The following PLAAT1 variants were observed in gnomAD, a reference collection of about 807,000 sequenced individuals.
PLAAT1 encodes the protein phospholipase A and acyltransferase 1, also known as H-REV107 protein-related protein.
A neutral mutation model predicts 16.4 loss-of-function variants in PLAAT1; 13 were observed. That is an observed-to-expected ratio of 0.79 (90% CI 0.52 to 1.26). PLAAT1 has a LOEUF of 1.26. Among genes scored for constraint, PLAAT1 ranks in the 50% most tolerant of loss-of-function variants. The probability of loss-of-function intolerance (pLI) is 0.00; values close to 1 mark genes in which losing one functional copy is unlikely to be tolerated. For synonymous variants in PLAAT1, 73 were observed against 78.4 expected (o/e 0.93, Z 0.36); for missense variants, 218 against 207.8 (o/e 1.05, Z -0.30).
intron 2 of PLAAT1, among the ~76,000 whole-genome samples, chr3:193,256,915 A>C (rs1026441742): frequency 1.3e-5 from 2 of 152,178 alleles, no homozygotes; most frequent in African/African-American, 4.8e-5. Flanking sequence ...TTAGTTATCA[A>C]ATATTCTTTA....
At chr3:193,276,358 C>T (rs1042813983) in intron 2 of PLAAT1, among the ~76,000 whole-genome samples, 47 of 152,334 alleles carry the variant, frequency 3.1e-4, no homozygotes, top group African/African-American at 9.9e-4. Context: ...ACGGCTTCTC[C>T]TCTTTCTTAT....
intron 2 of PLAAT1, among the ~76,000 whole-genome samples, 168 bp downstream of exon 2, chr3:193,255,957 T>C (rs906539263): frequency 2.0e-5 from 3 of 152,190 alleles, no homozygotes; most frequent in East Asian, 3.9e-4. Context: ...CAAAGCAGCA[T>C]TGAAGAAATC....
At chr3:193,243,382 TG>T (rs1715854246) in intron 1 of PLAAT1, among the ~76,000 whole-genome samples, 1 of 152,222 alleles carries the variant, frequency 6.6e-6, no homozygotes, top group African/African-American at 2.4e-5. Flanking sequence ...AATCTGAGCC[TG>T]GGCACCTTAG....
At chr3:193,254,702 G>A (rs1230409494) in intron 1 of PLAAT1, among the ~76,000 whole-genome samples, 3 of 152,216 alleles carry the variant, frequency 2.0e-5, no homozygotes, top group East Asian at 1.9e-4. Context: ...GTTGTCCTGC[G>A]TCTGCTGTTG....
intron 1 of PLAAT1, among the ~76,000 whole-genome samples, chr3:193,248,423 T>G (rs764855336): frequency 1.1e-4 from 16 of 152,152 alleles, no homozygotes; most frequent in Non-Finnish European, 1.9e-4. Context: ...AAGTAATTAT[T>G]GGTAGGTAAG....
intron 1 of PLAAT1, among the ~76,000 whole-genome samples, chr3:193,241,960 G>A (rs948293960): frequency 6.6e-6 from 1 of 152,136 alleles, no homozygotes; most frequent in Non-Finnish European, 1.5e-5. Flanking sequence ...CATTTGCTCC[G>A]CAGTTACTTG....
downstream of PLAAT1, among the ~76,000 whole-genome samples, chr3:193,271,307 T>C (rs193266324): frequency 2.6e-5 from 4 of 152,336 alleles, no homozygotes; most frequent in African/African-American, 9.6e-5. Flanking sequence ...ATCTACTTGC[T>C]TGTCAGGAGG....
At chr3:193,241,162 G>C, upstream of PLAAT1, 1 of 1,193,358 alleles carries the variant, frequency 8.4e-7, no homozygotes, top group South Asian at 4.3e-5. Flanking sequence ...TCGGGGCCAA[G>C]CGAGGTCTAG....
chr3:193,262,972 G>T lies in PLAAT1; in HGVS notation c.142G>T (p.Gly48Cys). 1 of 1,614,084 alleles carries T rather than the reference G, an allele frequency of 6.2e-7. No individual in the cohort carries two copies. Among genetic ancestry groups the T allele is most frequent in the Non-Finnish European group, 8.5e-7 (1 of 1,179,964 alleles). The change falls in exon 3 of 4, where the codon GGC becomes TGC. Residue 48 changes from glycine (G) to cysteine (C), a missense_variant and splice_region_variant. Coordinates refer to ENST00000264735, the MANE Select transcript of PLAAT1 (RefSeq NM_020386.5). ...GYVINIAPVD[G>C]IPASFTSAKS... is the part of the protein sequence containing the mutation. ...CTAACCAGAATTCTACTTTATAGAT[G>T]GCATTCCTGCGTCCTTTACAAGCGC...
chr3:193,272,060 G>A (rs1382271038), downstream of PLAAT1, among the ~76,000 whole-genome samples: 1 of 152,028 alleles, frequency 6.6e-6, no homozygotes, highest in Non-Finnish European at 1.5e-5. Flanking sequence ...TCTCCTACCA[G>A]GAACTAATGA....
At chr3:193,249,299 TCC>T (rs1198508054) in intron 1 of PLAAT1, among the ~76,000 whole-genome samples, 6 of 152,054 alleles carry the variant, frequency 3.9e-5, no homozygotes, top group Non-Finnish European at 8.8e-5. Context: ...CTTGGATTCA[TCC>T]TGTTAGATGT....
At chr3:193,248,631 A>G (rs1252133867) in intron 1 of PLAAT1, among the ~76,000 whole-genome samples, 2 of 152,090 alleles carry the variant, frequency 1.3e-5, no homozygotes, top group African/African-American at 4.8e-5. Context: ...AACGTCTTAT[A>G]CTAATGACAA....
intron 1 of PLAAT1, among the ~76,000 whole-genome samples, chr3:193,245,825 T>G (rs1715962845): frequency 6.6e-6 from 1 of 152,228 alleles, no homozygotes; most frequent in Non-Finnish European, 1.5e-5. Flanking sequence ...TGGCTATTTG[T>G]GTCTCTTCTT....
chr3:193,259,587 T>G (rs1192956360), intron 2 of PLAAT1, among the ~76,000 whole-genome samples: 1 of 152,022 alleles, frequency 6.6e-6, no homozygotes, highest in Non-Finnish European at 1.5e-5. Context: ...CCAGTAACAT[T>G]CTAGCTGAGA....
chr3:193,280,174 C>T (rs1161743250), downstream of PLAAT1, among the ~76,000 whole-genome samples: 1 of 151,992 alleles, frequency 6.6e-6, no homozygotes, highest in Non-Finnish European at 1.5e-5. Context: ...CTTCAGCCTC[C>T]CAAGTAGCTG....
At chr3:193,254,080 G>C (rs930101146) in intron 1 of PLAAT1, among the ~76,000 whole-genome samples, 2 of 152,040 alleles carry the variant, frequency 1.3e-5, no homozygotes, top group African/African-American at 2.4e-5. Context: ...GCCAAATTAC[G>C]AACTGCCATA....
intron 1 of PLAAT1, among the ~76,000 whole-genome samples, chr3:193,244,378 AATG>A (rs1262896525): frequency 6.6e-6 from 1 of 152,106 alleles, no homozygotes. Flanking sequence ...AGTTAATGAC[AATG>A]ATGACTCTGC....
At chr3:193,264,647 G>C (rs1036575843) in intron 3 of PLAAT1, among the ~76,000 whole-genome samples, 1 of 152,116 alleles carries the variant, frequency 6.6e-6, no homozygotes, top group Non-Finnish European at 1.5e-5. Flanking sequence ...GGGATTACAG[G>C]CATCTGCCAC....
At chr3:193,267,394 A>ATT (rs35197069) in intron 3 of PLAAT1, among the ~76,000 whole-genome samples, 8 of 149,876 alleles carry the variant, frequency 5.3e-5, no homozygotes, top group African/African-American at 2.0e-4. Flanking sequence ...ACAACCATTG[A>ATT]TTTTTTTTTT....
Sources: allele counts gnomAD v4.1 joint callset (sites outside exome capture counted in the v4.1 genomes callset), GRCh38; gene constraint gnomAD v4.1.1; transcripts MANE v1.5; gene names NCBI Gene and HGNC (gene_info 2026-07-23, HGNC 2026-07-21).